ENTREP2: variants seen among roughly 807,000 people sequenced by gnomAD.
ENTREP2 encodes endosomal transmembrane epsin interactor 2.
chr15:29,566,751 C>T, the ENTREP2 span, among the ~76,000 whole-genome samples: 1 of 152,104 alleles, frequency 6.6e-6, no homozygotes, highest in Non-Finnish European at 1.5e-5. Context: ...GCCAACCATG[C>T]CCAGTCACTT....
At chr15:29,475,730 G>T in the ENTREP2 span, among the ~76,000 whole-genome samples, 1 of 152,222 alleles carries the variant, frequency 6.6e-6, no homozygotes, top group Non-Finnish European at 1.5e-5. Context: ...TCCCAGAGAG[G>T]GGTATGGGTC....
the ENTREP2 span, among the ~76,000 whole-genome samples, chr15:29,426,387 CTTGT>C: frequency 6.6e-5 from 10 of 152,104 alleles, no homozygotes; most frequent in Non-Finnish European, 8.8e-5. Flanking sequence ...CCTGCTTTGT[CTTGT>C]TTAACGCTTA....
At chr15:29,632,166 GA>G in the ENTREP2 span, among the ~76,000 whole-genome samples, 1 of 152,170 alleles carries the variant, frequency 6.6e-6, no homozygotes, top group African/African-American at 2.4e-5. Context: ...AAGATAAAAA[GA>G]AAACCCAGAG....
chr15:29,353,969 C>A, the ENTREP2 span, among the ~76,000 whole-genome samples: 2 of 152,122 alleles, frequency 1.3e-5, no homozygotes, highest in Non-Finnish European at 2.9e-5. Context: ...CTTGACAGGG[C>A]TAAGAGGTAC....
the ENTREP2 span, chr15:29,234,362 A>G: frequency 6.3e-7 from 1 of 1,579,030 alleles, no homozygotes; most frequent in East Asian, 2.2e-5. Flanking sequence ...ACTGTAACAC[A>G]GAAATGTCAC....
At chr15:29,552,771 A>G in the ENTREP2 span, among the ~76,000 whole-genome samples, 1 of 152,160 alleles carries the variant, frequency 6.6e-6, no homozygotes, top group African/African-American at 2.4e-5. Context: ...AAAGAATTAG[A>G]ATAGTTAGCA....
At chr15:29,276,345 G>C in the ENTREP2 span, among the ~76,000 whole-genome samples, 1 of 152,236 alleles carries the variant, frequency 6.6e-6, no homozygotes, top group Non-Finnish European at 1.5e-5. Context: ...GGTCTTGATA[G>C]TGGTCACTAA....
At chr15:29,479,617 C>CCTCTCTCTCT in the ENTREP2 span, among the ~76,000 whole-genome samples, 4 of 149,978 alleles carry the variant, frequency 2.7e-5, no homozygotes, top group Non-Finnish European at 5.9e-5. Flanking sequence ...TCTCTCCCTC[C>CCTCTCTCTCT]CTCTCTTTCT....
At chr15:29,350,753 G>A in the ENTREP2 span, among the ~76,000 whole-genome samples, 2 of 152,130 alleles carry the variant, frequency 1.3e-5, no homozygotes, top group East Asian at 3.9e-4. Flanking sequence ...GACCAGCCTA[G>A]CCAACATGGT....
the ENTREP2 span, among the ~76,000 whole-genome samples, chr15:29,533,500 A>G: frequency 6.6e-6 from 1 of 152,166 alleles, no homozygotes; most frequent in Non-Finnish European, 1.5e-5. Flanking sequence ...CCAAAGTTAA[A>G]TATTTCTAAG....
At chr15:29,269,810 G>C in the ENTREP2 span, 3 of 1,112,546 alleles carry the variant, frequency 2.7e-6, no homozygotes, top group Admixed American at 8.0e-5. Flanking sequence ...CGCGCGCAGT[G>C]TCGGCTGAGA....
At chr15:29,293,440 T>C in the ENTREP2 span, among the ~76,000 whole-genome samples, 1 of 147,688 alleles carries the variant, frequency 6.8e-6, no homozygotes, top group East Asian at 2.0e-4. Context: ...TTTTTTTTAG[T>C]AGAGACAGGG....
At chr15:29,575,848 T>C in the ENTREP2 span, among the ~76,000 whole-genome samples, 1 of 152,126 alleles carries the variant, frequency 6.6e-6, no homozygotes, top group Non-Finnish European at 1.5e-5. Flanking sequence ...ATTAAATACC[T>C]AAATAAATGA....
At chr15:29,216,946 G>A in the ENTREP2 span, among the ~76,000 whole-genome samples, 6 of 152,084 alleles carry the variant, frequency 3.9e-5, no homozygotes, top group Non-Finnish European at 7.4e-5. Context: ...AGGGATTGAC[G>A]CTCCAAAATT....
the ENTREP2 span, among the ~76,000 whole-genome samples, chr15:29,587,160 T>TTAGCTAACC: frequency 1.8e-4 from 24 of 134,750 alleles, no homozygotes; most frequent in African/African-American, 6.2e-4. Flanking sequence ...TGTGTGTGTG[T>TTAGCTAACC]GTGTGTGTGT....
At chr15:29,232,363 CAT>C in the ENTREP2 span, among the ~76,000 whole-genome samples, 1 of 152,076 alleles carries the variant, frequency 6.6e-6, no homozygotes, top group Admixed American at 6.6e-5. Flanking sequence ...AGTCATCTAA[CAT>C]GTAAACTTTC....
chr15:29,267,177 C>T, the ENTREP2 span: 1 of 152,186 alleles, frequency 6.6e-6, no homozygotes, highest in Non-Finnish European at 1.5e-5. Context: ...TCACTATAGA[C>T]TCTTTTAAAT....
At chr15:29,141,054 G>A in the ENTREP2 span, among the ~76,000 whole-genome samples, 1 of 152,238 alleles carries the variant, frequency 6.6e-6, no homozygotes, top group African/African-American at 2.4e-5. Context: ...ACTCAGGTGT[G>A]TGCTGTCCAC....
the ENTREP2 span, chr15:29,570,546 C>A: frequency 1.4e-6 from 2 of 1,465,532 alleles, no homozygotes; most frequent in South Asian, 2.6e-5. Flanking sequence ...CGGACGCGGG[C>A]CGAGGTGGTG....
Sources: gnomAD v4.1 joint callset for allele counts (sites outside exome capture counted in the v4.1 genomes callset) on GRCh38, gnomAD v4.1.1 for gene constraint, MANE v1.5 for transcripts, NCBI Gene and HGNC (gene_info 2026-07-23, HGNC 2026-07-21) for gene names.